The following RPL28 variants were observed in gnomAD, a reference collection of about 807,000 sequenced individuals.
The protein encoded by RPL28 is ribosomal protein L28.
Under a neutral mutation model 12.5 loss-of-function variants are expected in RPL28, and 4 were observed. That is an observed-to-expected ratio of 0.32 (90% confidence interval 0.16 to 0.73). The LOEUF (loss-of-function observed/expected upper bound fraction) is 0.73. Ranked by LOEUF, RPL28 falls within the 30% of genes least tolerant of loss-of-function variation. RPL28 has a pLI of 0.66. For synonymous variants in RPL28, 91 were observed against 72.5 expected (o/e 1.26, Z -1.30); for missense variants, 214 against 197.7 (o/e 1.08, Z -0.49).
In RPL28 at chr19:55,401,541, C is replaced by T. The variant is rs114808768; in HGVS notation, c.325-1402C>T. The T allele has an allele frequency of 2.1e-3, 3,437 of 1,610,658 alleles. 40 individuals carry two copies. In the African/African-American group the frequency reaches 0.039, roughly 18 times the overall value. On this transcript the variant is annotated intron_variant, in intron 4 of 4. Transcript: ENST00000560055. ...TGGCCATGGGACCCTCAGCCCCTCC[C>T]GGGCCCCCTGGGGCCCCAGGGTCGG... is the stretch of plus-strand genomic sequence containing the variant.
intron 3 of RPL28, chr19:55,387,536 T>C: frequency 8.4e-6 from 12 of 1,432,010 alleles, no homozygotes; most frequent in Non-Finnish European, 1.1e-5. Flanking sequence ...AGGCTGGGCC[T>C]CTCAGCCAAG....
intron 4 of RPL28, chr19:55,399,801 A>AG (rs2090044378): frequency 6.6e-6 from 1 of 152,208 alleles, no homozygotes; most frequent in Non-Finnish European, 1.5e-5. Flanking sequence ...GTGGGTTCCG[A>AG]GGCCCAGGAT....
chr19:55,390,529 T>A lies in RPL28; in HGVS notation c.*2197T>A. 2 of 985,492 alleles carry A rather than the reference T, an allele frequency of 2.0e-6. No homozygotes were observed. The highest frequency in any genetic ancestry group is 2.4e-6 in the Non-Finnish European group (2 of 829,980). 61.0% of individuals were successfully genotyped at this position (985,492 alleles called of 1,614,324 possible). A position where few individuals can be genotyped will look rare whatever the true frequency, so the allele number is the denominator to read the frequency against. On this transcript the variant is annotated 3_prime_UTR_variant, in exon 5 of 5. Coordinates refer to ENST00000344063, the MANE Select transcript of RPL28 (RefSeq NM_000991.5). ...GGCTGCTGCTGCTCAGAAGGCCTTG[T>A]CCTTAACCACCTCCTTGCCTGCCCT... is the stretch of plus-strand genomic sequence containing the variant.
intron 3 of RPL28, chr19:55,387,326 C>T (rs879470358): frequency 6.4e-6 from 10 of 1,551,586 alleles, no homozygotes; most frequent in East Asian, 2.4e-5. Context: ...TGCCTCAGAG[C>T]CAAGGGTCCT....
At chr19:55,399,956 C>A in intron 4 of RPL28, 1 of 152,182 alleles carries the variant, frequency 6.6e-6, no homozygotes, top group East Asian at 1.9e-4. Context: ...GTCTTTCCTT[C>A]GCTCCCTGCA....
rs1339855942 is a variant in RPL28 at position 55,389,984 on chromosome 19, C to T, written c.*1652C>T. ...CTTCATAAGGAGAGCTCACTGCTCA[C>T]GTTAGTAGATGGCCCCTTCTCGTGA... is the stretch of plus-strand genomic sequence containing the variant. On this transcript the variant is annotated 3_prime_UTR_variant, in exon 5 of 5. Transcript: ENST00000344063. The T allele has an allele frequency of 8.1e-6, 8 of 985,418 alleles. No individual in the cohort carries two copies. Among genetic ancestry groups the T allele is most frequent in the African/African-American group, 1.7e-5 (1 of 57,242 alleles). The allele number at this position is 985,418 out of a possible 1,614,324, so 61.0% of individuals were successfully genotyped here.
rs1298411798 is a variant in RPL28 at position 55,391,635 on chromosome 19, C to T, written c.*3303C>T. ...GGCAAGTTCCTCAACCTCTCTGTGTCTTCGTACCCTCATCTGTAACATGCG... is the reference window on the plus strand; with the variant it reads ...GGCAAGTTCCTCAACCTCTCTGTGTTTTCGTACCCTCATCTGTAACATGCG... On this transcript the variant is annotated 3_prime_UTR_variant, in exon 5 of 5. Coordinates refer to ENST00000344063, the MANE Select transcript of RPL28 (RefSeq NM_000991.5). 1.3e-6 allele frequency: 2 copies of T among 1,545,492 alleles called. No homozygotes were observed. The highest frequency in any genetic ancestry group is 4.9e-5 in the East Asian group (2 of 40,878).
rs1324049387 is a variant in RPL28 at position 55,389,516 on chromosome 19, G to A, written c.*1184G>A. 1.0e-6 allele frequency: 1 copy of A among 985,352 alleles called. No homozygotes were observed. The highest frequency in any genetic ancestry group is 1.1e-4 in the East Asian group (1 of 8,820). The allele number at this position is 985,352 out of a possible 1,614,324, so 61.0% of individuals were successfully genotyped here. On this transcript the variant is annotated 3_prime_UTR_variant, in exon 5 of 5. Coordinates refer to ENST00000344063, the MANE Select transcript of RPL28 (RefSeq NM_000991.5). The stretch of plus-strand genomic sequence containing the variant: ...GATTCAAAGAAGGACTCTGCTCCCT[G>A]TCTGAGACCACCCCCGGCTCTGACT...
chr19:55,397,874 AAAC>A (rs1237347171), intron 4 of RPL28, among the ~76,000 whole-genome samples: 1 of 152,030 alleles, frequency 6.6e-6, no homozygotes, highest in Non-Finnish European at 1.5e-5. Flanking sequence ...TTCTTAAAGA[AAAC>A]AACCTGTGTC....
chr19:55,390,077 G>A lies in RPL28; in HGVS notation c.*1745G>A, dbSNP rs562965843. 1.0e-6 allele frequency: 1 copy of A among 985,522 alleles called. No individual in the cohort carries two copies. Among genetic ancestry groups the A allele is most frequent in the South Asian group, 4.7e-5 (1 of 21,286 alleles). The allele number at this position is 985,522 out of a possible 1,614,324, so 61.0% of individuals were successfully genotyped here. Reference sequence around the variant, plus strand: ...TGATTTGCAGCCCACAAGCTGGCAGGTTTATCTGTCTCATGTTTGTCTTGT... The same window carrying A: ...TGATTTGCAGCCCACAAGCTGGCAGATTTATCTGTCTCATGTTTGTCTTGT... On this transcript the variant is annotated 3_prime_UTR_variant, in exon 5 of 5. Coordinates refer to ENST00000344063, the MANE Select transcript of RPL28 (RefSeq NM_000991.5).
At chr19:55,387,211 G>C (rs1019042967) in intron 3 of RPL28, 3 of 1,431,956 alleles carry the variant, frequency 2.1e-6, no homozygotes, top group African/African-American at 1.4e-5. Flanking sequence ...CTGAATGTTC[G>C]TGTGAGTCGG....
chr19:55,386,469 G>GGGA (rs1439597406), intron 2 of RPL28, 31 bp downstream of exon 2: 1 of 1,611,666 alleles, frequency 6.2e-7, no homozygotes, highest in African/African-American at 1.3e-5. Context: ...TGGCTCCTGC[G>GGGA]GGAGGAGGGT....
downstream of RPL28, among the ~76,000 whole-genome samples, chr19:55,396,631 A>T (rs1007304292): frequency 1.9e-4 from 25 of 128,438 alleles, no homozygotes; most frequent in African/African-American, 6.9e-4. Context: ...TCACTCTGTC[A>T]CCCAGGCTGG....
chr19:55,390,863 C>T lies in RPL28; in HGVS notation c.*2531C>T. 1 of 985,374 alleles carries T rather than the reference C, an allele frequency of 1.0e-6. No homozygotes were observed. The allele number at this position is 985,374 out of a possible 1,614,324, so 61.0% of individuals were successfully genotyped here. ...TGAGCAAACGTGGAGACACCATTTC[C>T]CTCCTCTAGACCTCATCTTGGAGAG... On this transcript the variant is annotated 3_prime_UTR_variant, in exon 5 of 5. Coordinates refer to ENST00000344063, the MANE Select transcript of RPL28 (RefSeq NM_000991.5).
chr19:55,401,837 C>T (rs2090061815), intron 4 of RPL28: 1 of 1,513,218 alleles, frequency 6.6e-7, no homozygotes, highest in Admixed American at 1.8e-5. Flanking sequence ...AGAGGGTGGC[C>T]TCCGCACTGG....
chr19:55,389,684 A>G lies in RPL28; in HGVS notation c.*1352A>G, dbSNP rs112929954. On this transcript the variant is annotated 3_prime_UTR_variant, in exon 5 of 5. Coordinates refer to ENST00000344063, the MANE Select transcript of RPL28 (RefSeq NM_000991.5). ...TCTTGCCCAGCTCGAAGGAGAGCAG[A>G]TCTGACCACTTGCCAGCCCCTGTCT... 19 of 985,546 alleles carry G rather than the reference A, an allele frequency of 1.9e-5. No homozygotes were observed. In the African/African-American group the frequency reaches 2.6e-4, roughly 14 times the overall value. The allele number at this position is 985,546 out of a possible 1,614,324, so 61.1% of individuals were successfully genotyped here.
At chr19:55,399,111 C>T (rs572300643) in intron 4 of RPL28, among the ~76,000 whole-genome samples, 2 of 152,190 alleles carry the variant, frequency 1.3e-5, no homozygotes, top group African/African-American at 4.8e-5. Flanking sequence ...CTTCCGCCTC[C>T]GAAGAGCTGA....
chr19:55,401,357 A>G, intron 4 of RPL28: 1 of 1,036,086 alleles, frequency 9.7e-7, no homozygotes, highest in Non-Finnish European at 1.4e-6. Context: ...CCCAGCCATA[A>G]TTTAAATAAC....
rs1600302559 is a variant in RPL28, at chr19:55,387,825, C to T, written c.206-105C>T. On this transcript the variant is annotated intron_variant, in intron 3 of 4. Coordinates refer to ENST00000344063, the MANE Select transcript of RPL28 (RefSeq NM_000991.5). ...GGCCTGCCCAGGCACCCGCCACGGG[C>T]CCACGCTGCTCAGCTTCTCAATGTG... 4 of 1,479,928 alleles carry T rather than the reference C, an allele frequency of 2.7e-6. No homozygotes were observed. In the East Asian group the frequency reaches 7.1e-5, roughly 26 times the overall value. 91.7% of individuals were successfully genotyped at this position (1,479,928 alleles called of 1,614,324 possible).
Sources: allele counts gnomAD v4.1 joint callset (sites outside exome capture counted in the v4.1 genomes callset), GRCh38; gene constraint gnomAD v4.1.1; transcripts MANE v1.5; gene names NCBI Gene and HGNC (gene_info 2026-07-23, HGNC 2026-07-21).